Variants in BLNK observed in about 807,000 individuals in gnomAD.
BLNK encodes B cell linker.
A neutral mutation model predicts 73.5 loss-of-function variants in BLNK; 29 were observed. The ratio of observed to expected loss-of-function variants is 0.39; its 90% CI spans 0.29 to 0.54. The LOEUF (loss-of-function observed/expected upper bound fraction) is 0.54, where lower values mean the gene tolerates loss of function less well. BLNK is among the 20% of genes least tolerant of loss of function. The probability of loss-of-function intolerance (pLI) is 0.61; values close to 1 mark genes in which losing one functional copy is unlikely to be tolerated. For synonymous variants in BLNK, 176 were observed against 200.8 expected (o/e 0.88, Z 1.04); for missense variants, 460 against 562.8 (o/e 0.82, Z 1.85).
intron 5 of BLNK, among the ~76,000 whole-genome samples, chr10:96,225,396 C>G (rs1470587276): frequency 6.6e-6 from 1 of 152,274 alleles, no homozygotes; most frequent in Non-Finnish European, 1.5e-5. Flanking sequence ...TGCCCCTGCC[C>G]TCAGCCCTCA....
At chr10:96,212,262 C>T (rs1554898809) in intron 8 of BLNK, among the ~76,000 whole-genome samples, 1 of 151,998 alleles carries the variant, frequency 6.6e-6, no homozygotes, top group African/African-American at 2.4e-5. Flanking sequence ...GGTCACTGGC[C>T]CATGAAACAA....
chr10:96,242,649 G>A (rs1591349056), intron 3 of BLNK, 86 bp downstream of exon 3: 2 of 1,232,146 alleles, frequency 1.6e-6, no homozygotes, highest in South Asian at 1.2e-5. Context: ...AATGAGGATA[G>A]CGTATTTCCC....
chr10:96,247,060 C>A lies in BLNK; in HGVS notation c.48-11G>T. Reference sequence around the variant, plus strand: ...ATCTTTTGAAGCTGCCTGTAAAAAACAAAATTAAACATAAGATATTAATAA... The same window carrying A: ...ATCTTTTGAAGCTGCCTGTAAAAAAAAAAATTAAACATAAGATATTAATAA... On this transcript the variant is annotated splice_polypyrimidine_tract_variant and intron_variant, in intron 1 of 16. Coordinates refer to ENST00000224337, the MANE Select transcript of BLNK (RefSeq NM_013314.4). 6.4e-7 allele frequency: 1 copy of A among 1,570,972 alleles called. No individual in the cohort carries two copies. Among genetic ancestry groups the A allele is most frequent in the South Asian group, 1.2e-5 (1 of 86,294 alleles).
chr10:96,255,191 C>T (rs781841961), intron 1 of BLNK, among the ~76,000 whole-genome samples: 2 of 152,146 alleles, frequency 1.3e-5, no homozygotes, highest in Admixed American at 6.5e-5. Context: ...GAAGGATAAA[C>T]AAGTTCAGGA....
intron 2 of BLNK, among the ~76,000 whole-genome samples, chr10:96,246,540 G>A (rs980479920): frequency 5.3e-5 from 8 of 151,998 alleles, no homozygotes; most frequent in Non-Finnish European, 1.0e-4. Flanking sequence ...CAACAAGAGC[G>A]AAACTCCATC....
intron 1 of BLNK, among the ~76,000 whole-genome samples, chr10:96,269,359 C>G: frequency 6.7e-6 from 1 of 149,688 alleles, no homozygotes; most frequent in South Asian, 2.1e-4. Context: ...AAATTCCCAC[C>G]TGGATTCCCT....
chr10:96,241,253 T>C (rs1335293309), intron 3 of BLNK, among the ~76,000 whole-genome samples: 2 of 152,272 alleles, frequency 1.3e-5, no homozygotes, highest in African/African-American at 4.8e-5. Flanking sequence ...GGTTTGGTTT[T>C]AGGCTGTTGC....
rs587752434 is a variant in BLNK at position 96,200,728 on chromosome 10, A to G, written c.1011+254T>C. ...AAATTACAAAGTTTAAATAAAATCT[A>G]TGTGAGAGGAAGAATAATGAAAACA... On this transcript the variant is annotated intron_variant, in intron 14 of 16. Transcript: ENST00000224337. This position sits in a 1 kb window ranked among gnomAD's most constrained non-coding sequence, Gnocchi z 4.3. Among the ~76,000 whole-genome samples the G allele has an allele frequency of 8.5e-5, 13 of 152,130 alleles. No homozygotes were observed. The highest frequency in any genetic ancestry group is 2.9e-4 in the African/African-American group (12 of 41,524).
intron 8 of BLNK, among the ~76,000 whole-genome samples, chr10:96,213,205 T>C (rs949877901): frequency 9.2e-5 from 14 of 152,192 alleles, no homozygotes; most frequent in South Asian, 2.1e-4. Flanking sequence ...GATCCTGGGG[T>C]AGGCCCTGGA....
At chr10:96,222,886 G>C (rs4917724) in intron 6 of BLNK, among the ~76,000 whole-genome samples, 56,438 of 151,940 alleles carry the variant, frequency 0.37, 11,041 homozygotes, top group South Asian at 0.49. Flanking sequence ...GGGCAGGAGA[G>C]GGCTCCCCTG....
chr10:96,192,187 A>C, intron 16 of BLNK, 95 bp from the exon 17 acceptor site: 1 of 1,519,198 alleles, frequency 6.6e-7, no homozygotes, highest in Non-Finnish European at 9.0e-7. Context: ...AGTTAGTAAA[A>C]GTTATTACAC....
intron 1 of BLNK, among the ~76,000 whole-genome samples, chr10:96,252,161 C>T (rs1843312246): frequency 6.6e-6 from 1 of 152,158 alleles, no homozygotes; most frequent in Non-Finnish European, 1.5e-5. Flanking sequence ...AAGCGATTCT[C>T]CTGCCTCAGC....
At chr10:96,220,328 G>A (rs997721547) in intron 6 of BLNK, among the ~76,000 whole-genome samples, 9 of 152,176 alleles carry the variant, frequency 5.9e-5, no homozygotes, top group Non-Finnish European at 1.0e-4. Context: ...ATTTACCCCA[G>A]ACAACGATGC....
chr10:96,230,584 G>A (rs181726545), intron 4 of BLNK, among the ~76,000 whole-genome samples: 2 of 152,318 alleles, frequency 1.3e-5, no homozygotes, highest in Non-Finnish European at 2.9e-5. Context: ...AGGTTTAAAT[G>A]AGGTTATGTG....
chr10:96,220,689 A>G (rs2084178363), intron 6 of BLNK, among the ~76,000 whole-genome samples: 1 of 152,268 alleles, frequency 6.6e-6, no homozygotes, highest in East Asian at 1.9e-4. Flanking sequence ...TGAATCAGTG[A>G]TTGGTCTTTT....
chr10:96,226,505 A>C (rs2134028254), intron 5 of BLNK, among the ~76,000 whole-genome samples: 1 of 152,274 alleles, frequency 6.6e-6, no homozygotes, highest in Non-Finnish European at 1.5e-5. Context: ...CCTTTGGGGA[A>C]CTTAGTCACC....
At chr10:96,241,107 C>T (rs587610922) in intron 3 of BLNK, among the ~76,000 whole-genome samples, 70 of 152,328 alleles carry the variant, frequency 4.6e-4, no homozygotes, top group African/African-American at 1.6e-3. Flanking sequence ...AGGCCTGTAA[C>T]CAGACTTGGG....
At chr10:96,264,326 G>A (rs1282615705) in intron 1 of BLNK, among the ~76,000 whole-genome samples, 8 of 152,156 alleles carry the variant, frequency 5.3e-5, no homozygotes, top group Non-Finnish European at 1.2e-4. Flanking sequence ...CTGCAGAGAC[G>A]GAGTCTTGGT....
chr10:96,254,403 C>T (rs986172777), intron 1 of BLNK, among the ~76,000 whole-genome samples: 60 of 152,226 alleles, frequency 3.9e-4, no homozygotes, highest in African/African-American at 1.4e-3. Flanking sequence ...AGTGATGCTT[C>T]CAGCCTGCCT....
Sources: allele counts gnomAD v4.1 joint callset (sites outside exome capture counted in the v4.1 genomes callset), GRCh38; gene constraint gnomAD v4.1.1; non-coding constraint Gnocchi (gnomAD v3.1); transcripts MANE v1.5; gene names NCBI Gene and HGNC (gene_info 2026-07-23, HGNC 2026-07-21).